FCF1: variants seen among roughly 807,000 people sequenced by gnomAD.
FCF1 encodes FCF1 rRNA-processing protein, also known as rRNA-processing protein FCF1 homolog.
A neutral mutation model predicts 32.5 loss-of-function variants in FCF1; 17 were observed. The observed-to-expected ratio is 0.52, with a 90% CI of 0.36 to 0.78. The LOEUF is 0.78. Ranked by LOEUF, FCF1 falls within the 30% of genes least tolerant of loss-of-function variation. The probability of loss-of-function intolerance (pLI) is 0.00; values close to 1 mark genes in which losing one functional copy is unlikely to be tolerated. For synonymous variants in FCF1, 84 were observed against 78.4 expected (o/e 1.07, Z -0.38); for missense variants, 201 against 241.1 (o/e 0.83, Z 1.10).
At chr14:74,731,868 TAATAGAAA>T (rs2090642565) in intron 5 of FCF1, among the ~76,000 whole-genome samples, 1 of 152,204 alleles carries the variant, frequency 6.6e-6, no homozygotes, top group African/African-American at 2.4e-5. Flanking sequence ...TCATCACTGT[TAATAGAAA>T]GAGCATGGCT....
chr14:74,732,906 T>C lies in FCF1; in HGVS notation c.453+88T>C, dbSNP rs974420064. 3.9e-6 allele frequency: 3 copies of C among 769,528 alleles called. No individual in the cohort carries two copies. In the African/African-American group the frequency reaches 5.3e-5, roughly 14 times the overall value. The allele number at this position is 769,528 out of a possible 1,614,324, so 47.7% of individuals were successfully genotyped here. On this transcript the variant is annotated intron_variant, in intron 6 of 7. Coordinates refer to ENST00000341162, the MANE Select transcript of FCF1 (RefSeq NM_015962.5). ...CTGAATGTTCATGGTCAGTAAAACA[T>C]CTAGGAATATACATTATGGTTAAAT...
At chr14:74,724,348 A>G (rs556078093) in intron 5 of FCF1, among the ~76,000 whole-genome samples, 79 of 152,268 alleles carry the variant, frequency 5.2e-4, no homozygotes, top group Admixed American at 2.5e-3. Context: ...CAGTGGCACA[A>G]TCAGGGCTCA....
chr14:74,718,116 C>T (rs912134024), intron 4 of FCF1, among the ~76,000 whole-genome samples: 4 of 152,182 alleles, frequency 2.6e-5, no homozygotes, highest in Non-Finnish European at 5.9e-5. Context: ...CCACCCACCT[C>T]GGCCTCCCGA....
intron 5 of FCF1, among the ~76,000 whole-genome samples, chr14:74,725,793 A>G (rs1045443979): frequency 1.3e-5 from 2 of 151,912 alleles, no homozygotes; most frequent in Non-Finnish European, 2.9e-5. Flanking sequence ...AAATTAGCCA[A>G]GCGTGGTAGT....
chr14:74,731,545 C>T (rs2090637855), intron 5 of FCF1, among the ~76,000 whole-genome samples: 1 of 152,166 alleles, frequency 6.6e-6, no homozygotes, highest in Non-Finnish European at 1.5e-5. Flanking sequence ...TCATCACACT[C>T]GTCAGCCTGG....
intron 4 of FCF1, among the ~76,000 whole-genome samples, chr14:74,721,781 C>T (rs1439488893): frequency 2.0e-5 from 3 of 152,150 alleles, no homozygotes; most frequent in African/African-American, 7.2e-5. Context: ...TGTTTAAATA[C>T]ATAATTTTTT....
chr14:74,722,150 C>T (rs2090512915), intron 4 of FCF1, among the ~76,000 whole-genome samples: 1 of 145,856 alleles, frequency 6.9e-6, no homozygotes. Context: ...CTGGGTTGAA[C>T]TGATCCTCCT....
At chr14:74,728,036 G>A (rs1484327079) in intron 5 of FCF1, among the ~76,000 whole-genome samples, 2 of 152,152 alleles carry the variant, frequency 1.3e-5, no homozygotes. Flanking sequence ...GTCAGGTAGT[G>A]TGATGCCTCC....
At chr14:74,732,547 C>A (rs1260941725) in intron 5 of FCF1, among the ~76,000 whole-genome samples, 184 bp from the exon 6 acceptor site, 1 of 151,996 alleles carries the variant, frequency 6.6e-6, no homozygotes, top group African/African-American at 2.4e-5. Context: ...ATTAAATGAC[C>A]CAAAGCACAC....
chr14:74,733,067 T>C (rs562074834), intron 6 of FCF1, among the ~76,000 whole-genome samples: 1 of 152,322 alleles, frequency 6.6e-6, no homozygotes, highest in South Asian at 2.1e-4. Flanking sequence ...GTTTCACGTC[T>C]CAGCACCTGC....
chr14:74,721,044 ATTTTT>A (rs750216386), intron 4 of FCF1, among the ~76,000 whole-genome samples: 1 of 120,954 alleles, frequency 8.3e-6, no homozygotes, highest in African/African-American at 3.1e-5. Context: ...CACCCACCTA[ATTTTT>A]TTTTTTTTTT....
In FCF1 at chr14:74,732,841, T is replaced by A. The variant is rs747042095; in HGVS notation, c.453+23T>A. The A allele has an allele frequency of 2.3e-5, 33 of 1,421,618 alleles. No homozygotes were observed. The South Asian group carries it at 3.9e-4, about 17-fold the overall frequency. 88.1% of individuals were successfully genotyped at this position (1,421,618 alleles called of 1,614,324 possible). On this transcript the variant is annotated intron_variant, in intron 6 of 7. Coordinates refer to ENST00000341162, the MANE Select transcript of FCF1 (RefSeq NM_015962.5). ...CAGGTATTATCAGTTCATAACTGTT[T>A]ACTTTGTGCTTAAAAAAAAAAAATG...
chr14:74,723,471 G>A (rs2140028597), intron 5 of FCF1, 127 bp downstream of exon 5: 1 of 648,196 alleles, frequency 1.5e-6, no homozygotes, highest in East Asian at 3.2e-5. Context: ...TTTTGGGGGG[G>A]TTGTTTTGGT....
chr14:74,730,436 G>A (rs1253891317), intron 5 of FCF1, among the ~76,000 whole-genome samples: 1 of 152,018 alleles, frequency 6.6e-6, no homozygotes, highest in Non-Finnish European at 1.5e-5. Flanking sequence ...GGTAGAGACT[G>A]GGCATGGTGG....
At position 74,735,091 on chromosome 14, in the gene FCF1, C is replaced by T; in HGVS notation, c.*161C>T. The T allele has an allele frequency of 2.2e-6, 1 of 455,016 alleles. No individual in the cohort carries two copies. The highest frequency in any genetic ancestry group is 4.8e-5 in the East Asian group (1 of 20,738). 28.2% of individuals were successfully genotyped at this position (455,016 alleles called of 1,614,324 possible). ...GCACCAGCCCAGTCAGATTAACATC[C>T]AAAGGACTGAACCCTGAACAGAGTT... is the stretch of plus-strand genomic sequence containing the variant. On this transcript the variant is annotated 3_prime_UTR_variant, in exon 8 of 8. Transcript: ENST00000341162.
At chr14:74,727,457 T>C (rs938485394) in intron 5 of FCF1, among the ~76,000 whole-genome samples, 22 of 151,266 alleles carry the variant, frequency 1.5e-4, no homozygotes, top group Admixed American at 2.0e-4. Context: ...TGGGGTTGTT[T>C]GTTTTTTTCT....
At chr14:74,715,770 G>A (rs2090409686) in intron 3 of FCF1, 181 bp from the exon 4 acceptor site, 2 of 1,391,274 alleles carry the variant, frequency 1.4e-6, no homozygotes, top group South Asian at 2.6e-5. Flanking sequence ...GTTGCCAGGG[G>A]AGCTGAGATT....
At chr14:74,720,944 TCTC>T (rs1276791291) in intron 4 of FCF1, among the ~76,000 whole-genome samples, 1 of 150,248 alleles carries the variant, frequency 6.7e-6, no homozygotes, top group Non-Finnish European at 1.5e-5. Flanking sequence ...AGTGGTGTAA[TCTC>T]AGCTCACTAC....
At position 74,735,031 on chromosome 14, in the gene FCF1, C is replaced by G; in HGVS notation, c.*101C>G. The stretch of plus-strand genomic sequence containing the variant: ...CGGGATTTTTAAGGAATCAGAGAGA[C>G]TGATGGAGTTCAGGGAGATATTTAT... On this transcript the variant is annotated 3_prime_UTR_variant, in exon 8 of 8. Transcript: ENST00000341162. The G allele has an allele frequency of 1.1e-6, 1 of 945,814 alleles. No homozygotes were observed. The allele number at this position is 945,814 out of a possible 1,614,324, so 58.6% of individuals were successfully genotyped here.
Sources: gnomAD v4.1 joint callset for allele counts (sites outside exome capture counted in the v4.1 genomes callset) on GRCh38, gnomAD v4.1.1 for gene constraint, MANE v1.5 for transcripts, NCBI Gene and HGNC (gene_info 2026-07-23, HGNC 2026-07-21) for gene names.